Variants in ELAPOR1 observed in about 807,000 individuals in gnomAD.
ELAPOR1 encodes endosome/lysosome-associated apoptosis and autophagy regulator 1.
ELAPOR1 carries 77 observed loss-of-function variants against 119.7 expected under a neutral mutation model. The observed-to-expected ratio is 0.64, with a 90% CI of 0.54 to 0.78. The LOEUF (loss-of-function observed/expected upper bound fraction) is 0.78. Among genes scored for constraint, ELAPOR1 ranks in the 30% least tolerant of loss-of-function variants. The pLI is 0.00. For synonymous variants in ELAPOR1, 481 were observed against 487.2 expected, an observed-to-expected ratio of 0.99 and a Z score of 0.17; for missense variants, 1,115 against 1,270.4, an observed-to-expected ratio of 0.88 and a Z score of 1.86.
At chr1:109,181,050 A>G (rs1251338761) in intron 7 of ELAPOR1, among the ~76,000 whole-genome samples, 1 of 152,186 alleles carries the variant, frequency 6.6e-6, no homozygotes, top group Non-Finnish European at 1.5e-5. Context: ...ACAAAACATG[A>G]TCTCATTTAT....
Position 109,194,128 on chromosome 1 carries a change from G to C in ELAPOR1, c.1948-293G>C, listed in dbSNP as rs140158241. ...AAAGGATCCTCTTGTGTCTTGAGAG[G>C]CTTCTATAATCTAGGCACAGGGTTA... is the stretch of plus-strand genomic sequence containing the variant. On this transcript the variant is annotated intron_variant, in intron 14 of 21. Coordinates refer to ENST00000369939, the MANE Select transcript of ELAPOR1 (RefSeq NM_020775.5). Among the ~76,000 whole-genome samples, 743 of 152,266 alleles carry C rather than the reference G, an allele frequency of 4.9e-3. 6 individuals are homozygous for C. Among genetic ancestry groups the C allele is most frequent in the African/African-American group, 0.017 (702 of 41,536 alleles).
intron 2 of ELAPOR1, among the ~76,000 whole-genome samples, chr1:109,163,470 G>C (rs1483358045): frequency 6.6e-6 from 1 of 152,134 alleles, no homozygotes; most frequent in Admixed American, 6.5e-5. Flanking sequence ...TCATAGCTCT[G>C]TAGCCTCGAC....
At chr1:109,129,307 C>T (rs978135448) in intron 1 of ELAPOR1, among the ~76,000 whole-genome samples, 15 of 152,052 alleles carry the variant, frequency 9.9e-5, no homozygotes, top group East Asian at 7.7e-4. Context: ...GTCAGGAGTT[C>T]GAGACCAGCC....
rs528874684 is a variant in ELAPOR1, at chr1:109,153,180, A to G, written c.154-8714A>G. Among the ~76,000 whole-genome samples, 14 of 152,154 alleles carry G rather than the reference A, an allele frequency of 9.2e-5. No individual in the cohort carries two copies. The South Asian group carries it at 2.9e-3, about 32-fold the overall frequency. The stretch of plus-strand genomic sequence containing the variant: ...TTTCAAATTTGCCATAATAGGTTTT[A>G]TAAATTTACCACATCAAAAAGTAAA... On this transcript the variant is annotated intron_variant, in intron 1 of 21. Coordinates refer to ENST00000369939, the MANE Select transcript of ELAPOR1 (RefSeq NM_020775.5).
Position 109,134,647 on chromosome 1 carries a change from C to T in ELAPOR1, c.153+20311C>T, listed in dbSNP as rs3738781. ...CGGCTGCTGCACCTGCTGCTTTTGC[C>T]GTTTCTTTCCTGCTTGTGTAGATAA... On this transcript the variant is annotated intron_variant, in intron 1 of 21. Transcript: ENST00000369939. Among the ~76,000 whole-genome samples the T allele has an allele frequency of 2.0e-3, 298 of 152,272 alleles. 3 individuals carry two copies. Among genetic ancestry groups the T allele is most frequent in the East Asian group, 0.01 (52 of 5,176 alleles).
chr1:109,145,520 G>A lies in ELAPOR1; in HGVS notation c.154-16374G>A, dbSNP rs574123130. On this transcript the variant is annotated intron_variant, in intron 1 of 21. Coordinates refer to ENST00000369939, the MANE Select transcript of ELAPOR1 (RefSeq NM_020775.5). ...AAAATACAAAAATTAGCTGGGCATGGTGGTGCGCACTTGTGGTCTCAGCTA... is the reference window on the plus strand; with the variant it reads ...AAAATACAAAAATTAGCTGGGCATGATGGTGCGCACTTGTGGTCTCAGCTA... 1.2e-4 allele frequency among the ~76,000 whole-genome samples: 18 copies of A among 151,966 alleles called. No individual in the cohort carries two copies. In the South Asian group the frequency reaches 2.9e-3, roughly 25 times the overall value.
rs528581107 is a variant in ELAPOR1, at chr1:109,185,206, T to C, written c.1041+73T>C. ...CCACTCCCTGAGGTTTGCCACCATT[T>C]GGAACTTCAGCAGTCAATGACATTG... On this transcript the variant is annotated intron_variant, in intron 8 of 21. Transcript: ENST00000369939. 1.8e-4 allele frequency: 215 copies of C among 1,179,616 alleles called. 1 individual carries two copies. The South Asian group carries it at 2.5e-3, about 14-fold the overall frequency. The allele number at this position is 1,179,616 out of a possible 1,614,324, so 73.1% of individuals were successfully genotyped here.
intron 17 of ELAPOR1, 54 bp from the exon 18 acceptor site, chr1:109,198,519 C>A: frequency 6.8e-7 from 1 of 1,479,610 alleles, no homozygotes; most frequent in Non-Finnish European, 9.3e-7. Context: ...TGGTGGCTGT[C>A]CAATAACACA....
intron 7 of ELAPOR1, among the ~76,000 whole-genome samples, chr1:109,182,894 C>A (rs1652784191): frequency 6.6e-6 from 1 of 151,446 alleles, no homozygotes; most frequent in African/African-American, 2.4e-5. Flanking sequence ...AAATCTCATT[C>A]CACTACACCA....
At chr1:109,134,124 A>C (rs1649314570) in intron 1 of ELAPOR1, among the ~76,000 whole-genome samples, 1 of 152,182 alleles carries the variant, frequency 6.6e-6, no homozygotes, top group South Asian at 2.1e-4. Flanking sequence ...CTTGTAGCAG[A>C]AGCCACCTGA....
chr1:109,180,492 CA>C (rs1404152578), intron 7 of ELAPOR1, among the ~76,000 whole-genome samples: 1 of 111,414 alleles, frequency 9.0e-6, no homozygotes, highest in Non-Finnish European at 1.8e-5. Flanking sequence ...GGCATCAGAA[CA>C]GGACCCCATC....
intron 7 of ELAPOR1, among the ~76,000 whole-genome samples, chr1:109,180,964 A>G (rs1652657352): frequency 6.6e-6 from 1 of 151,994 alleles, no homozygotes; most frequent in African/African-American, 2.4e-5. Flanking sequence ...CCCTGTCTCT[A>G]AAAAAAAGAA....
chr1:109,179,013 C>T (rs12740607), intron 7 of ELAPOR1, among the ~76,000 whole-genome samples: 69,775 of 150,610 alleles, frequency 0.46, 17,203 homozygotes, highest in African/African-American at 0.65. Flanking sequence ...TGGTTAGTCC[C>T]CTCTAGAAAA....
chr1:109,131,094 G>C (rs1367750013), intron 1 of ELAPOR1, among the ~76,000 whole-genome samples: 1 of 152,200 alleles, frequency 6.6e-6, no homozygotes, highest in Non-Finnish European at 1.5e-5. Flanking sequence ...GTCCTCCAGG[G>C]CTGCAGTCAT....
At chr1:109,163,023 T>TC (rs1651356236) in intron 2 of ELAPOR1, among the ~76,000 whole-genome samples, 1 of 152,228 alleles carries the variant, frequency 6.6e-6, no homozygotes, top group East Asian at 1.9e-4. Flanking sequence ...TCTGTGCCAG[T>TC]CACTGAGCCA....
chr1:109,153,711 T>C (rs542049), intron 1 of ELAPOR1, among the ~76,000 whole-genome samples: 60,824 of 151,654 alleles, frequency 0.4, 13,964 homozygotes, highest in African/African-American at 0.63. Context: ...GCGGTCTCGG[T>C]TCACTGCAAC....
At position 109,203,359 on chromosome 1, in the gene ELAPOR1, C is replaced by G. The variant is rs1654295831; in HGVS notation, c.*347C>G. On this transcript the variant is annotated 3_prime_UTR_variant, in exon 22 of 22. Coordinates refer to ENST00000369939, the MANE Select transcript of ELAPOR1 (RefSeq NM_020775.5). ...TTCTTAAGTATAGAAACTATTTCCTCTGTCCTCTAACTTAAGGGCAGAAAC... is the reference window on the plus strand; with the variant it reads ...TTCTTAAGTATAGAAACTATTTCCTGTGTCCTCTAACTTAAGGGCAGAAAC... 1 of 254,332 alleles carries G rather than the reference C, an allele frequency of 3.9e-6. No individual in the cohort carries two copies. Among genetic ancestry groups the G allele is most frequent in the Non-Finnish European group, 7.5e-6 (1 of 133,990 alleles). 15.8% of individuals were successfully genotyped at this position (254,332 alleles called of 1,614,324 possible).
intron 1 of ELAPOR1, among the ~76,000 whole-genome samples, chr1:109,142,316 G>C (rs1262340280): frequency 1.3e-5 from 2 of 152,220 alleles, no homozygotes; most frequent in Non-Finnish European, 2.9e-5. Context: ...AAAAGAGCAA[G>C]TCAAAGAAAG....
At chr1:109,165,459 C>A (rs1406628932) in intron 3 of ELAPOR1, among the ~76,000 whole-genome samples, 2 of 151,872 alleles carry the variant, frequency 1.3e-5, no homozygotes, top group Non-Finnish European at 2.9e-5. Flanking sequence ...GTGGTGCATA[C>A]CTGTGATCTC....
Sources: gnomAD v4.1 joint callset for allele counts (sites outside exome capture counted in the v4.1 genomes callset) on GRCh38, gnomAD v4.1.1 for gene constraint, MANE v1.5 for transcripts, NCBI Gene and HGNC (gene_info 2026-07-23, HGNC 2026-07-21) for gene names.